SPTA1: variants seen among roughly 807,000 people sequenced by gnomAD.
SPTA1 encodes spectrin alpha chain, erythrocytic 1.
In SPTA1, 177 loss-of-function variants were observed where a neutral mutation model predicts 324.7. The observed-to-expected ratio is 0.55, with a 90% CI of 0.48 to 0.62. SPTA1 has a LOEUF of 0.62. SPTA1 is among the 20% of genes least tolerant of loss of function. The probability of loss-of-function intolerance (pLI) is 0.00; values close to 1 mark genes in which losing one functional copy is unlikely to be tolerated. For missense variants in SPTA1, 3,162 were observed against 2,883.6 expected (o/e 1.10, Z -2.21); for synonymous variants, 1,195 against 1,041.3 (o/e 1.15, Z -2.84).
chr1:158,656,294 A>G (rs1260508794), intron 20 of SPTA1, among the ~76,000 whole-genome samples: 1 of 152,218 alleles, frequency 6.6e-6, no homozygotes, highest in Non-Finnish European at 1.5e-5. Flanking sequence ...TAAGAAAGAA[A>G]GAAGGGTAGA....
At chr1:158,622,507 G>A (rs1367719764) in intron 43 of SPTA1, among the ~76,000 whole-genome samples, 7 of 152,092 alleles carry the variant, frequency 4.6e-5, no homozygotes, top group African/African-American at 9.7e-5. Flanking sequence ...GAATAGAATG[G>A]TGATGCTACT....
rs1652101003 is a variant in SPTA1, at chr1:158,647,681, A to T, written c.3754T>A (p.Ser1252Thr). ...LGETAERLSE[S>T]HPDATEDLQR... ...AGGTCCTCAGTGGCATCTGGATGGG[A>T]CTCACTGAGCCGCTCTGCTGTCTCC... Residue 1252 changes from serine to threonine, a missense_variant, in exon 27 of 52, where the codon TCC becomes ACC. Physicochemically the swap from Ser to Thr is moderately conservative, Grantham distance 58. Transcript: ENST00000643759. 25 of 1,613,512 alleles carry T rather than the reference A, an allele frequency of 1.5e-5. No individual in the cohort carries two copies. Among genetic ancestry groups the T allele is most frequent in the Non-Finnish European group, 2.0e-5 (24 of 1,179,860 alleles).
In SPTA1 at chr1:158,626,919, G is replaced by A. The variant is rs1396087832; in HGVS notation, c.5753C>T (p.Ala1918Val). 1.9e-6 allele frequency: 3 copies of A among 1,613,938 alleles called. No individual in the cohort carries two copies. The highest frequency in any genetic ancestry group is 1.1e-5 in the South Asian group (1 of 91,080). Reference protein sequence around the residue: ...EKTPSLAKAIAAWKLQLEDDY... With the variant: ...EKTPSLAKAIVAWKLQLEDDY... ...GTCTTCCAATTGCAACTTCCAAGCAGCTATTGCCTTAGCCAGAGAAGGGGT... is the reference window on the plus strand; with the variant it reads ...GTCTTCCAATTGCAACTTCCAAGCAACTATTGCCTTAGCCAGAGAAGGGGT... Residue 1918 changes from alanine (A) to valine (V), a missense_variant, in exon 41 of 52, where the codon GCT becomes GTT. Ala to Val is a moderately conservative substitution (Grantham distance 64). Transcript: ENST00000643759.
intron 8 of SPTA1, among the ~76,000 whole-genome samples, chr1:158,675,135 T>C (rs1201539776): frequency 2.0e-5 from 3 of 152,186 alleles, no homozygotes; most frequent in Non-Finnish European, 4.4e-5. Flanking sequence ...CAGTTTCCTA[T>C]TTTAAAAAGT....
At chr1:158,682,801 A>G (rs2101949763) in intron 3 of SPTA1, among the ~76,000 whole-genome samples, 1 of 152,290 alleles carries the variant, frequency 6.6e-6, no homozygotes, top group African/African-American at 2.4e-5. Context: ...ATGAATCCTT[A>G]TTGAAATAGT....
intron 16 of SPTA1, among the ~76,000 whole-genome samples, chr1:158,664,095 T>C (rs1369705748): frequency 1.3e-5 from 2 of 152,196 alleles, no homozygotes; most frequent in Non-Finnish European, 2.9e-5. Context: ...GTAAATTAGT[T>C]CAACCATTGT....
At chr1:158,635,777 T>C in intron 38 of SPTA1, 136 bp downstream of exon 38, 1 of 1,315,968 alleles carries the variant, frequency 7.6e-7, no homozygotes, top group Non-Finnish European at 1.1e-6. Context: ...AACTTGTCAT[T>C]TGAGAAGGGA....
intron 43 of SPTA1, chr1:158,620,802 A>C (rs1373187170): frequency 4.9e-6 from 1 of 204,218 alleles, no homozygotes; most frequent in African/African-American, 2.4e-5. Context: ...CTTGTTCTAA[A>C]GTCTATCCTC....
intron 36 of SPTA1, among the ~76,000 whole-genome samples, chr1:158,636,986 A>G (rs1449441862): frequency 6.6e-6 from 1 of 152,206 alleles, no homozygotes; most frequent in Non-Finnish European, 1.5e-5. Context: ...TCTCCACCAT[A>G]GTCACAACTG....
chr1:158,620,174 A>G lies in SPTA1; in HGVS notation c.6413T>C (p.Ile2138Thr), dbSNP rs745537956. 5.8e-5 allele frequency: 93 copies of G among 1,614,026 alleles called. No individual in the cohort carries two copies. Among genetic ancestry groups the G allele is most frequent in the Non-Finnish European group, 7.4e-5 (87 of 1,180,030 alleles). ...TTCTGCCGTGTTCCAGGTTACCTCAATGATGTCAGATAGGTGCTTCCAGGT... is the reference window on the plus strand; with the variant it reads ...TTCTGCCGTGTTCCAGGTTACCTCAGTGATGTCAGATAGGTGCTTCCAGGT... Reference protein sequence around the residue: ...ERTWKHLSDIIEEREQELQKE... With the variant: ...ERTWKHLSDITEEREQELQKE... Residue 2138 changes from isoleucine (I) to threonine (T), a missense_variant, in exon 44 of 52, where the codon ATT becomes ACT. Ile to Thr is a moderately conservative substitution (Grantham distance 89, BLOSUM62 -1). Coordinates refer to ENST00000643759, the MANE Select transcript of SPTA1 (RefSeq NM_003126.4).
In SPTA1 at chr1:158,614,399, G is replaced by C. The variant is rs1649436671; in HGVS notation, c.6789-93C>G. ...CATGGAAGAGAGAGGAATTTTAATGGACAATTTGCTATTTGAGTCATCTAG... is the reference window on the plus strand; with the variant it reads ...CATGGAAGAGAGAGGAATTTTAATGCACAATTTGCTATTTGAGTCATCTAG... On this transcript the variant is annotated intron_variant, in intron 48 of 51. Transcript: ENST00000643759. 9 of 930,860 alleles carry C rather than the reference G, an allele frequency of 9.7e-6. No homozygotes were observed. In the East Asian group the frequency reaches 1.9e-4, roughly 20 times the overall value. The allele number at this position is 930,860 out of a possible 1,614,324, so 57.7% of individuals were successfully genotyped here.
intron 44 of SPTA1, 67 bp from the exon 45 acceptor site, chr1:158,619,401 T>G: frequency 6.8e-7 from 1 of 1,480,044 alleles, no homozygotes; most frequent in Non-Finnish European, 9.4e-7. Flanking sequence ...AGAGAATTGG[T>G]TTGTAGGCTT....
intron 33 of SPTA1, among the ~76,000 whole-genome samples, chr1:158,641,102 A>G (rs372751542): frequency 2.0e-5 from 3 of 151,870 alleles, no homozygotes; most frequent in African/African-American, 7.2e-5. Flanking sequence ...AACTGGCTAG[A>G]CATATGTAGA....
chr1:158,653,757 T>A (rs1480365178), intron 21 of SPTA1, among the ~76,000 whole-genome samples: 1 of 152,162 alleles, frequency 6.6e-6, no homozygotes, highest in Non-Finnish European at 1.5e-5. Context: ...TCTAGCTGGA[T>A]TTCTTGGCAG....
intron 22 of SPTA1, 102 bp downstream of exon 22, chr1:158,653,172 G>T: frequency 6.6e-7 from 1 of 1,504,928 alleles, no homozygotes; most frequent in Non-Finnish European, 9.2e-7. Flanking sequence ...CAGATTTTCT[G>T]TGGCATCTCA....
Position 158,623,078 on chromosome 1 carries a change from G to T in SPTA1, c.6025C>A (p.Arg2009Ser). Residue 2009 changes from arginine to serine, a missense_variant, in exon 43 of 52, where the codon CGT becomes AGT. Arg to Ser is a moderately radical substitution (Grantham distance 110). Coordinates refer to ENST00000643759, the MANE Select transcript of SPTA1 (RefSeq NM_003126.4). ...CAGCGCTTCAGCAGAGCGGCATAACGCTCTTCAATGGCTTTAGACTGGTTG... is the reference window on the plus strand; with the variant it reads ...CAGCGCTTCAGCAGAGCGGCATAACTCTCTTCAATGGCTTTAGACTGGTTG... Reference protein sequence around the residue: ...QHNQSKAIEERYAALLKRWEQ... With the variant: ...QHNQSKAIEESYAALLKRWEQ... 12 of 1,614,096 alleles carry T rather than the reference G, an allele frequency of 7.4e-6. No individual in the cohort carries two copies. Among genetic ancestry groups the T allele is most frequent in the Non-Finnish European group, 1.0e-5 (12 of 1,180,012 alleles).
rs1035118208 is a variant in SPTA1 at position 158,684,722 on chromosome 1, G to A, written c.264+386C>T. Among the ~76,000 whole-genome samples, 5 of 151,996 alleles carry A rather than the reference G, an allele frequency of 3.3e-5. 1 individual carries two copies. The highest frequency in any genetic ancestry group is 4.8e-5 in the African/African-American group (2 of 41,408). ...GATGTAATTTTTTACTTTTGGCATTGATGAATGCTTCACCATGAAAATATG... is the reference window on the plus strand; with the variant it reads ...GATGTAATTTTTTACTTTTGGCATTAATGAATGCTTCACCATGAAAATATG... On this transcript the variant is annotated intron_variant, in intron 2 of 51. Coordinates refer to ENST00000643759, the MANE Select transcript of SPTA1 (RefSeq NM_003126.4).
intron 48 of SPTA1, 90 bp downstream of exon 48, chr1:158,615,126 T>C: frequency 6.8e-7 from 1 of 1,465,988 alleles, no homozygotes; most frequent in Non-Finnish European, 9.5e-7. Flanking sequence ...AACTCTTTTA[T>C]CTGGTGCACC....
rs1472406241 is a variant in SPTA1 at position 158,613,736 on chromosome 1, G to A, written c.6974C>T (p.Ala2325Val). The change falls in exon 50 of 52, where the codon GCT becomes GTT. Residue 2325 changes from alanine to valine, a missense_variant. Ala to Val is a moderately conservative substitution (Grantham distance 64, BLOSUM62 0). Coordinates refer to ENST00000643759, the MANE Select transcript of SPTA1 (RefSeq NM_003126.4). Reference sequence around the variant, plus strand: ...TTGTTCCTACCTCCCTGGATCCACAGCATCCAGGAACTTCTCAAACTTGGG... The same window carrying A: ...TTGTTCCTACCTCCCTGGATCCACAACATCCAGGAACTTCTCAAACTTGGG... ...HEPKFEKFLD[A>V]VDPGRKGYVS... 5.0e-6 allele frequency: 8 copies of A among 1,613,600 alleles called. No individual in the cohort carries two copies. The highest frequency in any genetic ancestry group is 1.3e-5 in the African/African-American group (1 of 74,874).
Sources: allele counts gnomAD v4.1 joint callset (sites outside exome capture counted in the v4.1 genomes callset), GRCh38; gene constraint gnomAD v4.1.1; transcripts MANE v1.5; gene names NCBI Gene and HGNC (gene_info 2026-07-23, HGNC 2026-07-21).